The following CAB39 variants were observed in gnomAD, a reference collection of about 807,000 sequenced individuals.
CAB39 encodes the protein calcium binding protein 39.
Under a neutral mutation model 40.0 loss-of-function variants are expected in CAB39, and 8 were observed. That is an observed-to-expected ratio of 0.20 (90% CI 0.12 to 0.36). The LOEUF (loss-of-function observed/expected upper bound fraction) is 0.36. CAB39 is among the 10% of genes least tolerant of loss of function. The pLI, the probability that CAB39 is intolerant of heterozygous loss-of-function variation, is 1.00. For synonymous variants in CAB39, 156 were observed against 141.6 expected, an observed-to-expected ratio of 1.10 and a Z score of -0.72; for missense variants, 270 against 401.1, an observed-to-expected ratio of 0.67 and a Z score of 2.79.
chr2:230,751,963 C>T (rs887711422), intron 1 of CAB39, among the ~76,000 whole-genome samples: 6 of 147,006 alleles, frequency 4.1e-5, no homozygotes, highest in Non-Finnish European at 5.9e-5. Context: ...TTTAAAAGCT[C>T]GAATTTTAAC....
chr2:230,795,253 G>A (rs987600198), intron 4 of CAB39, among the ~76,000 whole-genome samples: 2 of 148,928 alleles, frequency 1.3e-5, no homozygotes, highest in African/African-American at 2.5e-5. Context: ...TTTAGCCTGG[G>A]TGACAGAGCA....
intron 7 of CAB39, among the ~76,000 whole-genome samples, 189 bp from the exon 8 acceptor site, chr2:230,817,565 G>A (rs1696424066): frequency 6.6e-6 from 1 of 152,120 alleles, no homozygotes; most frequent in Non-Finnish European, 1.5e-5. Context: ...TCAGGGAAAG[G>A]GAGGAAGGCA....
At chr2:230,782,813 C>CTTTCTTTCTTTTTTTTTTTT (rs1286339069) in intron 2 of CAB39, among the ~76,000 whole-genome samples, 1 of 81,764 alleles carries the variant, frequency 1.2e-5, no homozygotes, top group African/African-American at 6.3e-5. Flanking sequence ...TTCTTTCTTT[C>CTTTCTTTCTTTTTTTTTTTT]TTTTTTTTTT....
chr2:230,799,017 A>G lies in CAB39; in HGVS notation c.567+120A>G, dbSNP rs926969338. The stretch of plus-strand genomic sequence containing the variant: ...CCCTCTAGTGGGAAGAGAAAGATAC[A>G]TTTTGTATATGTTTGTGTGATAGAG... On this transcript the variant is annotated intron_variant, in intron 5 of 8. Transcript: ENST00000258418. 10 of 677,192 alleles carry G rather than the reference A, an allele frequency of 1.5e-5. No individual in the cohort carries two copies. In the Admixed American group the frequency reaches 2.2e-4, roughly 15 times the overall value. 41.9% of individuals were successfully genotyped at this position (677,192 alleles called of 1,614,324 possible). A position where few individuals can be genotyped will look rare whatever the true frequency, so the allele number is the denominator to read the frequency against.
intron 2 of CAB39, among the ~76,000 whole-genome samples, chr2:230,783,414 G>A (rs149830758): frequency 6.1e-5 from 9 of 148,284 alleles, no homozygotes; most frequent in Admixed American, 2.0e-4. Context: ...TTCGTTGCCC[G>A]TTCTTAGAGG....
At chr2:230,802,902 ATTT>A (rs1304338896) in intron 5 of CAB39, among the ~76,000 whole-genome samples, 12 of 152,216 alleles carry the variant, frequency 7.9e-5, no homozygotes, top group Non-Finnish European at 1.5e-4. Context: ...TCCCTAACTC[ATTT>A]TATGAGGCCA....
chr2:230,799,703 A>G (rs1470913916), intron 5 of CAB39, among the ~76,000 whole-genome samples: 2 of 152,236 alleles, frequency 1.3e-5, no homozygotes, highest in African/African-American at 2.4e-5. Context: ...AATATAAACC[A>G]ATACTTGCCA....
chr2:230,750,206 G>T (rs566660689), intron 1 of CAB39, among the ~76,000 whole-genome samples: 2 of 152,214 alleles, frequency 1.3e-5, no homozygotes, highest in African/African-American at 4.8e-5. Context: ...TAATGTGGCA[G>T]TGTTGGGAGG....
At chr2:230,811,485 A>C (rs753615900) in intron 6 of CAB39, among the ~76,000 whole-genome samples, 20 of 152,222 alleles carry the variant, frequency 1.3e-4, no homozygotes, top group Non-Finnish European at 2.2e-4. Flanking sequence ...CATTGCTTTA[A>C]AATGGCAGTT....
intron 6 of CAB39, 144 bp from the exon 7 acceptor site, chr2:230,813,905 A>G (rs1037849437): frequency 5.7e-6 from 3 of 528,798 alleles, no homozygotes. Flanking sequence ...GTGGCAGGGG[A>G]GCCAGGGCAG....
At chr2:230,737,689 GT>G (rs1231897180) in intron 1 of CAB39, among the ~76,000 whole-genome samples, 1 of 152,194 alleles carries the variant, frequency 6.6e-6, no homozygotes, top group Non-Finnish European at 1.5e-5. Flanking sequence ...AGGAAAATAA[GT>G]TTTTAATGTA....
At chr2:230,787,280 A>G (rs62193638) in intron 2 of CAB39, among the ~76,000 whole-genome samples, 16,241 of 152,252 alleles carry the variant, frequency 0.11, 1,148 homozygotes, top group Middle Eastern at 0.16. Context: ...TGAAAGGAGC[A>G]TGATGATTCA....
Position 230,748,834 on chromosome 2 carries a change from ATATATATATATATAT to A in CAB39, c.-43-11124_-43-11110del, listed in dbSNP as rs1559597053. Among the ~76,000 whole-genome samples the A allele has an allele frequency of 5.2e-4, 28 of 53,930 alleles. 1 individual carries two copies. The highest frequency in any genetic ancestry group is 2.7e-3 in the South Asian group (5 of 1,842). The allele number at this position is 53,930 out of a possible 152,430, so 35.4% of individuals were successfully genotyped here. A position where few individuals can be genotyped will look rare whatever the true frequency, so the allele number is the denominator to read the frequency against. On this transcript the variant is annotated intron_variant, in intron 1 of 8. Transcript: ENST00000258418. ...AAAAGAAAAAAAAAAAAAAAAAAAT[ATATATATATATATAT>A]ATATATATATATATATATAACAAAA...
chr2:230,783,839 G>A (rs966975384), intron 2 of CAB39, among the ~76,000 whole-genome samples: 1 of 152,074 alleles, frequency 6.6e-6, no homozygotes, highest in African/African-American at 2.4e-5. Context: ...TGACTTCATG[G>A]TATGATAACA....
intron 1 of CAB39, among the ~76,000 whole-genome samples, chr2:230,736,514 A>G (rs1694790901): frequency 6.6e-6 from 1 of 152,218 alleles, no homozygotes; most frequent in Admixed American, 6.5e-5. Context: ...CTAGCTACAC[A>G]TTTGGCTTTG....
At chr2:230,791,703 C>G (rs1464316394) in intron 3 of CAB39, among the ~76,000 whole-genome samples, 1 of 152,150 alleles carries the variant, frequency 6.6e-6, no homozygotes, top group Non-Finnish European at 1.5e-5. Flanking sequence ...ACAGCTTGCT[C>G]CTCCTGTCTC....
rs1462109678 is a variant in CAB39, at chr2:230,791,045, T to A, written c.279+9T>A. 19 of 1,565,306 alleles carry A rather than the reference T, an allele frequency of 1.2e-5. No individual in the cohort carries two copies. Among genetic ancestry groups the A allele is most frequent in the Non-Finnish European group, 1.6e-5 (18 of 1,157,996 alleles). On this transcript the variant is annotated intron_variant, in intron 3 of 8. Coordinates refer to ENST00000258418, the MANE Select transcript of CAB39 (RefSeq NM_016289.4). The stretch of plus-strand genomic sequence containing the variant: ...AGCTCATTGACTTTGAGGTAAGAAA[T>A]CAATTTCTTATTTTTAAAAAACAGT...
rs148607795 is a variant in CAB39 at position 230,734,638 on chromosome 2, T to A, written c.-44+21408T>A. Among the ~76,000 whole-genome samples the A allele has an allele frequency of 7.7e-3, 1,176 of 152,300 alleles. 9 individuals carry two copies. The highest frequency in any genetic ancestry group is 0.017 in the Middle Eastern group (5 of 294). ...GTCCAAAATCAAACATCCATAGACT[T>A]CTTGGTTATTTGACCCAGACCACAT... On this transcript the variant is annotated intron_variant, in intron 1 of 8. Coordinates refer to ENST00000258418, the MANE Select transcript of CAB39 (RefSeq NM_016289.4).
At chr2:230,767,066 T>C (rs985012589) in intron 2 of CAB39, among the ~76,000 whole-genome samples, 2 of 152,328 alleles carry the variant, frequency 1.3e-5, no homozygotes, top group East Asian at 3.9e-4. Context: ...GAAGTAAATA[T>C]GGAATATAGT....
Sources: allele counts gnomAD v4.1 joint callset (sites outside exome capture counted in the v4.1 genomes callset), GRCh38; gene constraint gnomAD v4.1.1; transcripts MANE v1.5; gene names NCBI Gene and HGNC (gene_info 2026-07-23, HGNC 2026-07-21).